FRG1: variants seen among roughly 807,000 people sequenced by gnomAD.
The protein encoded by FRG1 is protein FRG1.
Under a neutral mutation model 37.0 loss-of-function variants are expected in FRG1, and 19 were observed. The observed-to-expected ratio is 0.51, with a 90% CI of 0.36 to 0.75. The LOEUF (loss-of-function observed/expected upper bound fraction) is 0.75, where lower values mean the gene tolerates loss of function less well. Ranked by LOEUF, FRG1 falls within the 30% of genes least tolerant of loss-of-function variation. The probability of loss-of-function intolerance (pLI) is 0.00; values close to 1 mark genes in which losing one functional copy is unlikely to be tolerated. For synonymous variants in FRG1, 73 were observed against 96.5 expected (o/e 0.76, Z 1.43); for missense variants, 243 against 301.4 (o/e 0.81, Z 1.44).
Position 189,961,898 on chromosome 4 carries a change from A to C in FRG1, c.706A>C (p.Lys236Gln), listed in dbSNP as rs770185254. The change falls in exon 8 of 9, where the codon AAA (lysine) becomes CAA (glutamine). Residue 236 changes from lysine (K) to glutamine (Q), a missense_variant. Lys to Gln is a moderately conservative substitution (Grantham distance 53, BLOSUM62 1). Around this residue, in one of 2 missense-constraint regions of FRG1, gnomAD observed 133 missense variants for 199.3 expected, o/e 0.67. Coordinates refer to ENST00000226798, the MANE Select transcript of FRG1 (RefSeq NM_004477.3). ...EDSKILKKAR[K>Q]DGFLHETLLD... ...CAGTAAAATTCTTAAAAAGGCTCGG[A>C]AAGATGGATTTTTGCATGAGACGCT... is the stretch of plus-strand genomic sequence containing the variant. 7 of 1,597,774 alleles carry C rather than the reference A, an allele frequency of 4.4e-6. No homozygotes were observed. Among genetic ancestry groups the C allele is most frequent in the Non-Finnish European group, 6.0e-6 (7 of 1,172,454 alleles).
At chr4:189,942,001 G>T (rs1241582008) in intron 1 of FRG1, 1 of 250,554 alleles carries the variant, frequency 4.0e-6, no homozygotes, top group Non-Finnish European at 8.2e-6. Context: ...AGAATAAATG[G>T]CAGGTTTATC....
intron 8 of FRG1, 149 bp downstream of exon 8, chr4:189,962,081 A>G (rs999387762): frequency 8.4e-6 from 5 of 594,826 alleles, no homozygotes; most frequent in Admixed American, 6.7e-5. Context: ...TAAAGAGGAC[A>G]TCGTAAGTTT....
intron 2 of FRG1, among the ~76,000 whole-genome samples, chr4:189,946,836 G>A (rs1354606386): frequency 6.6e-6 from 1 of 151,974 alleles, no homozygotes; most frequent in Non-Finnish European, 1.5e-5. Context: ...TGTTGGTTCA[G>A]GGTTTTTTGT....
intron 2 of FRG1, among the ~76,000 whole-genome samples, chr4:189,951,264 T>C (rs892152915): frequency 5.9e-5 from 9 of 151,292 alleles, no homozygotes. Flanking sequence ...CAGAGGCGGG[T>C]GGATCACGAG....
intron 6 of FRG1, 147 bp from the exon 7 acceptor site, chr4:189,960,601 T>A: frequency 1.1e-6 from 1 of 915,622 alleles, no homozygotes. Context: ...TAAAAACACA[T>A]AGCCAGAACC....
intron 6 of FRG1, among the ~76,000 whole-genome samples, chr4:189,959,537 GA>G (rs1290557339): frequency 2.8e-4 from 43 of 152,318 alleles, no homozygotes; most frequent in Middle Eastern, 3.4e-3. Flanking sequence ...GGTCATTGGG[GA>G]AATGCAGATG....
At chr4:189,955,755 TTGTG>T (rs1293876897) in intron 5 of FRG1, among the ~76,000 whole-genome samples, 2 of 152,216 alleles carry the variant, frequency 1.3e-5, no homozygotes, top group African/African-American at 4.8e-5. Context: ...CTTTTTCTGT[TTGTG>T]TGAGAAGTAA....
chr4:189,943,662 A>T lies in FRG1; in HGVS notation c.133+390A>T, dbSNP rs552243699. Among the ~76,000 whole-genome samples, 5 of 152,320 alleles carry T rather than the reference A, an allele frequency of 3.3e-5. No homozygotes were observed. The South Asian group carries it at 1.0e-3, about 32-fold the overall frequency. On this transcript the variant is annotated intron_variant, in intron 2 of 8. Coordinates refer to ENST00000226798, the MANE Select transcript of FRG1 (RefSeq NM_004477.3). The stretch of plus-strand genomic sequence containing the variant: ...TTAAAGGAAGTATCTTCACAGGAAA[A>T]ATCATTATTTTGTGAACTCTGAAAT...
rs137881447 is a variant in FRG1, at chr4:189,943,355, T to G, written c.133+83T>G. 9.1e-4 allele frequency: 1,330 copies of G among 1,459,904 alleles called. 14 individuals are homozygous for G. In the East Asian group the frequency reaches 0.025, roughly 28 times the overall value. 90.4% of individuals were successfully genotyped at this position (1,459,904 alleles called of 1,614,324 possible). ...TGAAAGTGTTTTCCTAGTTAGAAAT[T>G]TATGATGTATTCATATTTGTCTTAA... On this transcript the variant is annotated intron_variant, in intron 2 of 8. Transcript: ENST00000226798.
At position 189,941,024 on chromosome 4, in the gene FRG1, C is replaced by A. The variant is rs75403683; in HGVS notation, c.15C>A (p.Ser5=). Residue 5 remains serine, a synonymous_variant, in exon 1 of 9, where the codon TCC becomes TCA. Transcript: ENST00000226798. Reference sequence around the variant, plus strand: ...TTCCCGGAGCCATGGCCGAGTACTCCTACGTGAAGTCTACCAAGCTCGTGC... The same window carrying A: ...TTCCCGGAGCCATGGCCGAGTACTCATACGTGAAGTCTACCAAGCTCGTGC... MAEY[S]YVKSTKLVLK... The A allele has an allele frequency of 3.7e-6, 6 of 1,613,960 alleles. No individual in the cohort carries two copies. The African/African-American group carries it at 8.0e-5, about 22-fold the overall frequency.
At chr4:189,947,503 G>A (rs750967193) in intron 2 of FRG1, among the ~76,000 whole-genome samples, 7 of 152,176 alleles carry the variant, frequency 4.6e-5, no homozygotes, top group East Asian at 1.9e-4. Flanking sequence ...GGTTTTGCTC[G>A]TAGACTTAGA....
chr4:189,952,171 G>A lies in FRG1; in HGVS notation c.143G>A (p.Trp48Ter), dbSNP rs1736781835. The change falls in exon 3 of 9, where the codon TGG (tryptophan) becomes TAG (stop). Residue 48 changes from tryptophan to a stop codon, truncating the protein, a stop_gained. Coordinates refer to ENST00000226798, the MANE Select transcript of FRG1 (RefSeq NM_004477.3). LOFTEE classifies it high-confidence loss of function. ...TGATTTTATTTTTTAGGAATCTGGTGGACAGTAACAAACTTTGGTGAAATT... is the reference window on the plus strand; with the variant it reads ...TGATTTTATTTTTTAGGAATCTGGTAGACAGTAACAAACTTTGGTGAAATT... Reference protein sequence around the residue: ...ETQLDIVGIWWTVTNFGEISG... With the variant: ...ETQLDIVGIW 2 of 1,585,854 alleles carry A rather than the reference G, an allele frequency of 1.3e-6. No individual in the cohort carries two copies. Among genetic ancestry groups the A allele is most frequent in the Non-Finnish European group, 1.7e-6 (2 of 1,164,116 alleles).
At chr4:189,959,546 A>G (rs1294062784) in intron 6 of FRG1, among the ~76,000 whole-genome samples, 2 of 152,214 alleles carry the variant, frequency 1.3e-5, no homozygotes, top group Non-Finnish European at 2.9e-5. Flanking sequence ...GGAAATGCAG[A>G]TGGGTTTGTG....
chr4:189,956,899 A>T (rs369571008), intron 5 of FRG1, among the ~76,000 whole-genome samples: 1 of 152,226 alleles, frequency 6.6e-6, no homozygotes, highest in Non-Finnish European at 1.5e-5. Context: ...CAACTAAAAA[A>T]GTATATGAAT....
intron 2 of FRG1, among the ~76,000 whole-genome samples, chr4:189,944,861 A>C (rs1427893399): frequency 6.6e-6 from 1 of 151,988 alleles, no homozygotes; most frequent in African/African-American, 2.4e-5. Flanking sequence ...ATTAACTGTT[A>C]ATTTATTAAT....
intron 4 of FRG1, among the ~76,000 whole-genome samples, chr4:189,954,221 T>A (rs1360565449): frequency 5.9e-5 from 9 of 152,100 alleles, no homozygotes. Flanking sequence ...AAAAAATGCG[T>A]GATACAAAAC....
intron 2 of FRG1, among the ~76,000 whole-genome samples, chr4:189,949,097 G>C (rs1164573160): frequency 6.6e-6 from 1 of 152,160 alleles, no homozygotes; most frequent in African/African-American, 2.4e-5. Flanking sequence ...ATAACTTTAA[G>C]CATGTGTCTA....
At chr4:189,961,982 G>A (rs1357436048) in intron 8 of FRG1, 50 bp downstream of exon 8, 1 of 947,356 alleles carries the variant, frequency 1.1e-6, no homozygotes, top group Non-Finnish European at 1.6e-6. Flanking sequence ...CAATAGAAAT[G>A]GCATGTAGAA....
At chr4:189,944,788 T>C (rs1736458181) in intron 2 of FRG1, among the ~76,000 whole-genome samples, 4 of 152,206 alleles carry the variant, frequency 2.6e-5, no homozygotes, top group Admixed American at 6.5e-5. Flanking sequence ...TATATTTCTC[T>C]TGATTGCTAT....
Sources: allele counts gnomAD v4.1 joint callset (sites outside exome capture counted in the v4.1 genomes callset), GRCh38; gene constraint gnomAD v4.1.1; regional missense constraint gnomAD v4.1.1; transcripts MANE v1.5; gene names NCBI Gene and HGNC (gene_info 2026-07-23, HGNC 2026-07-21).